CNOT10: variants seen among roughly 807,000 people sequenced by gnomAD.
CNOT10 encodes CCR4-NOT transcription complex subunit 10, also known as CCR4-NOT transcription complex, subunit 10.
In CNOT10, 30 loss-of-function variants were observed where a neutral mutation model predicts 94.6. The observed-to-expected ratio is 0.32, with a 90% CI of 0.24 to 0.43. CNOT10 has a LOEUF of 0.43. Ranked by LOEUF, CNOT10 falls within the 20% of genes least tolerant of loss-of-function variation. The pLI is 1.00. For synonymous variants in CNOT10, 289 were observed against 301.6 expected, an observed-to-expected ratio of 0.96 and a Z score of 0.43; for missense variants, 759 against 877.2, an observed-to-expected ratio of 0.87 and a Z score of 1.70.
intron 1 of CNOT10, among the ~76,000 whole-genome samples, chr3:32,690,412 T>G (rs887450934): frequency 2.6e-5 from 4 of 152,208 alleles, no homozygotes; most frequent in African/African-American, 9.6e-5. Flanking sequence ...TGAGACAGGG[T>G]CTCACTCTTT....
intron 8 of CNOT10, among the ~76,000 whole-genome samples, chr3:32,722,932 CCT>C (rs1308211290): frequency 6.6e-6 from 1 of 152,024 alleles, no homozygotes; most frequent in African/African-American, 2.4e-5. Flanking sequence ...GTCTAGTTTT[CCT>C]CTTTTAAATA....
intron 13 of CNOT10, chr3:32,753,015 A>G (rs1008936834): frequency 4.1e-6 from 2 of 488,610 alleles, no homozygotes; most frequent in Non-Finnish European, 8.1e-6. Context: ...GGAGCTGACT[A>G]AGGCTTTGGA....
chr3:32,739,263 A>C (rs989253224), intron 13 of CNOT10, among the ~76,000 whole-genome samples: 1 of 152,190 alleles, frequency 6.6e-6, no homozygotes, highest in African/African-American at 2.4e-5. Context: ...TTCCCTAAGC[A>C]ATCCTGCTAG....
rs572782511 is a variant in CNOT10 at position 32,719,943 on chromosome 3, C to T, written c.745-171C>T. ...TTACAAAGTGCTCTCTGACAAGTTT[C>T]AATTTTTTTGATTGTGAGAGCAATG... On this transcript the variant is annotated intron_variant, in intron 7 of 18. Coordinates refer to ENST00000328834, the MANE Select transcript of CNOT10 (RefSeq NM_015442.3). 6.6e-5 allele frequency among the ~76,000 whole-genome samples: 10 copies of T among 152,198 alleles called. No homozygotes were observed. The South Asian group carries it at 2.1e-3, about 32-fold the overall frequency.
At chr3:32,702,865 A>T (rs1697419070) in intron 1 of CNOT10, among the ~76,000 whole-genome samples, 1 of 151,478 alleles carries the variant, frequency 6.6e-6, no homozygotes. Flanking sequence ...AAGCTTTCAG[A>T]GGAGTAGCTT....
In CNOT10 at chr3:32,734,872, G is replaced by C; in HGVS notation, c.1410G>C (p.Leu470Phe). 1 of 1,614,038 alleles carries C rather than the reference G, an allele frequency of 6.2e-7. No homozygotes were observed. The highest frequency in any genetic ancestry group is 2.2e-5 in the East Asian group (1 of 44,872). The change falls in exon 12 of 19, where the codon TTG becomes TTC. Residue 470 changes from leucine to phenylalanine, a missense_variant. Transcript: ENST00000328834. ...FAAICLRNAL[L>F]LLPEEQQDPK... ...CCATATGTCTCAGAAATGCCTTGTTGCTGCTACCTGAAGAACAGCAAGATC... is the reference window on the plus strand; with the variant it reads ...CCATATGTCTCAGAAATGCCTTGTTCCTGCTACCTGAAGAACAGCAAGATC...
chr3:32,767,500 CA>C (rs1447072344), intron 17 of CNOT10, among the ~76,000 whole-genome samples: 1 of 108,870 alleles, frequency 9.2e-6, no homozygotes, highest in East Asian at 2.8e-4. Context: ...GCCTGGGCAA[CA>C]AGAGCGAAAC....
chr3:32,753,324 T>C, intron 13 of CNOT10: 2 of 1,107,098 alleles, frequency 1.8e-6, no homozygotes, highest in Non-Finnish European at 2.8e-6. Context: ...CAGTCAAAAA[T>C]CAGGTATGAC....
At chr3:32,732,991 A>T (rs947807278) in intron 10 of CNOT10, among the ~76,000 whole-genome samples, 2 of 152,188 alleles carry the variant, frequency 1.3e-5, no homozygotes, top group Non-Finnish European at 2.9e-5. Context: ...TGTAATTAAT[A>T]CTTTGAATTA....
At chr3:32,766,989 AAG>A (rs1700673540) in intron 17 of CNOT10, among the ~76,000 whole-genome samples, 1 of 152,228 alleles carries the variant, frequency 6.6e-6, no homozygotes, top group Non-Finnish European at 1.5e-5. Context: ...CCATGGGAAT[AAG>A]ACTGCACATA....
chr3:32,698,127 G>A (rs983601989), intron 1 of CNOT10, among the ~76,000 whole-genome samples: 1 of 152,168 alleles, frequency 6.6e-6, no homozygotes, highest in Non-Finnish European at 1.5e-5. Flanking sequence ...GTATGTTCTT[G>A]CAGTGAAACT....
chr3:32,727,672 A>G lies in CNOT10; in HGVS notation c.1017A>G (p.Lys339=), dbSNP rs1478595904. 2 of 1,609,328 alleles carry G rather than the reference A, an allele frequency of 1.2e-6. No homozygotes were observed. Among genetic ancestry groups the G allele is most frequent in the Non-Finnish European group, 1.7e-6 (2 of 1,176,332 alleles). The change falls in exon 10 of 19, where the codon AAA becomes AAG. Residue 339 remains lysine (K), a synonymous_variant. Coordinates refer to ENST00000328834, the MANE Select transcript of CNOT10 (RefSeq NM_015442.3). ...TTATCTAATTTTTATCACTAGGTAA[A>G]AAATTTTCAGGAAGACCCATGTGTA... ...QLSAGSTDPG[K]KFSGRPMCTL... is the part of the protein sequence containing the mutation.
intron 3 of CNOT10, 128 bp from the exon 4 acceptor site, chr3:32,708,542 T>C: frequency 2.8e-6 from 2 of 704,334 alleles, no homozygotes; most frequent in Non-Finnish European, 2.3e-6. Flanking sequence ...CTAAAGATAC[T>C]GTTGAAAGTA....
Position 32,733,034 on chromosome 3 carries a change from C to T in CNOT10, c.1216-389C>T, listed in dbSNP as rs553778041. 5.9e-5 allele frequency among the ~76,000 whole-genome samples: 9 copies of T among 152,200 alleles called. No homozygotes were observed. The South Asian group carries it at 6.2e-4, about 11-fold the overall frequency. On this transcript the variant is annotated intron_variant, in intron 10 of 18. Transcript: ENST00000328834. ...AATGATCTGTGTTTAGGAAGTGGAG[C>T]GACTTCCTTTTTCTTTTACACTATT...
At chr3:32,698,704 A>T (rs1471307697) in intron 1 of CNOT10, among the ~76,000 whole-genome samples, 1 of 152,192 alleles carries the variant, frequency 6.6e-6, no homozygotes, top group South Asian at 2.1e-4. Flanking sequence ...CTTCTTGGAA[A>T]AGGGAAGTTG....
At chr3:32,725,724 C>A in intron 9 of CNOT10, 125 bp downstream of exon 9, 1 of 821,086 alleles carries the variant, frequency 1.2e-6, no homozygotes, top group Non-Finnish European at 1.8e-6. Flanking sequence ...TCTTACCCAA[C>A]AAGTTTGGCT....
intron 4 of CNOT10, among the ~76,000 whole-genome samples, chr3:32,711,851 C>T (rs941208632): frequency 1.3e-5 from 2 of 152,262 alleles, no homozygotes; most frequent in East Asian, 3.9e-4. Context: ...AAGCCTAGGG[C>T]AGGGCTTACT....
In CNOT10 at chr3:32,727,842, C is replaced by G. The variant is rs1206664446; in HGVS notation, c.1187C>G (p.Ala396Gly). ...HANPRLWLRL[A>G]ECCIAANKGT... ...AATCCTCGCCTCTGGCTACGGCTGG[C>G]TGAATGCTGCATTGCTGCCAATAAG... Residue 396 changes from alanine (A) to glycine (G), a missense_variant, in exon 10 of 19, where the codon GCT (alanine) becomes GGT (glycine). This residue lies in a region of CNOT10 where 682 missense variants were observed against 799.4 expected (regional missense o/e 0.85). Coordinates refer to ENST00000328834, the MANE Select transcript of CNOT10 (RefSeq NM_015442.3). The G allele has an allele frequency of 6.2e-7, 1 of 1,612,874 alleles. No individual in the cohort carries two copies. Among genetic ancestry groups the G allele is most frequent in the South Asian group, 1.1e-5 (1 of 90,984 alleles).
At chr3:32,741,396 A>G (rs963093255) in intron 13 of CNOT10, among the ~76,000 whole-genome samples, 1 of 152,108 alleles carries the variant, frequency 6.6e-6, no homozygotes, top group African/African-American at 2.4e-5. Context: ...ACAGGTATTT[A>G]TGTGCACATA....
Sources: gnomAD v4.1 joint callset for allele counts (sites outside exome capture counted in the v4.1 genomes callset) on GRCh38, gnomAD v4.1.1 for gene constraint, gnomAD v4.1.1 regional missense constraint, MANE v1.5 for transcripts, NCBI Gene and HGNC (gene_info 2026-07-23, HGNC 2026-07-21) for gene names.